The following PELI2 variants were observed in gnomAD, a reference collection of about 807,000 sequenced individuals.
The protein encoded by PELI2 is E3 ubiquitin-protein ligase pellino homolog 2.
Under a neutral mutation model 42.3 loss-of-function variants are expected in PELI2, and 23 were observed. The observed-to-expected ratio is 0.54, with a 90% CI of 0.39 to 0.77. PELI2 has a LOEUF of 0.77. Ranked by LOEUF, PELI2 falls within the 30% of genes least tolerant of loss-of-function variation. The pLI is 0.00. For synonymous variants in PELI2, 245 were observed against 212.2 expected (o/e 1.15, Z -1.34); for missense variants, 463 against 553.2 (o/e 0.84, Z 1.64).
chr14:56,195,930 C>T (rs1886117157), intron 2 of PELI2, among the ~76,000 whole-genome samples: 1 of 152,200 alleles, frequency 6.6e-6, no homozygotes, highest in Non-Finnish European at 1.5e-5. Context: ...ATGGCCTCTG[C>T]AAGTGTATTC....
intron 1 of PELI2, among the ~76,000 whole-genome samples, chr14:56,128,666 C>T (rs571375733): frequency 9.3e-4 from 141 of 151,930 alleles, no homozygotes; most frequent in Non-Finnish European, 1.8e-3. Flanking sequence ...TGGCTGGAGG[C>T]TGAAGTACTT....
rs569925685 is a variant in PELI2, at chr14:56,282,126, C to T, written c.309+2349C>T. On this transcript the variant is annotated intron_variant, in intron 3 of 5. Transcript: ENST00000267460. ...TACAGAGTTATTGCTCAAAGCATTGCTTAATAGGAAAAGATTGGAAACAAC... is the reference window on the plus strand; with the variant it reads ...TACAGAGTTATTGCTCAAAGCATTGTTTAATAGGAAAAGATTGGAAACAAC... Among the ~76,000 whole-genome samples the T allele has an allele frequency of 4.6e-5, 7 of 152,148 alleles. No individual in the cohort carries two copies. In the East Asian group the frequency reaches 1.2e-3, roughly 25 times the overall value.
chr14:56,229,382 C>T (rs1025431666), intron 2 of PELI2, among the ~76,000 whole-genome samples: 5 of 152,228 alleles, frequency 3.3e-5, no homozygotes, highest in Admixed American at 1.3e-4. Flanking sequence ...GGGTGCCCCT[C>T]TGAGACGAAG....
At chr14:56,122,726 T>G (rs1883107911) in intron 1 of PELI2, among the ~76,000 whole-genome samples, 1 of 152,208 alleles carries the variant, frequency 6.6e-6, no homozygotes, top group African/African-American at 2.4e-5. Flanking sequence ...AAAACATGTC[T>G]TGATTTTCAT....
intron 1 of PELI2, among the ~76,000 whole-genome samples, chr14:56,165,846 G>T (rs1381460694): frequency 6.6e-6 from 1 of 151,774 alleles, no homozygotes; most frequent in Non-Finnish European, 1.5e-5. Flanking sequence ...CTCTTTTTTG[G>T]TTTCCATTGG....
At chr14:56,129,636 C>T (rs538945320) in intron 1 of PELI2, among the ~76,000 whole-genome samples, 36 of 152,314 alleles carry the variant, frequency 2.4e-4, no homozygotes, top group African/African-American at 7.5e-4. Context: ...TGGGAGGATG[C>T]ACAGTGTGCC....
chr14:56,249,571 G>T (rs1888274352), intron 2 of PELI2, among the ~76,000 whole-genome samples: 1 of 152,140 alleles, frequency 6.6e-6, no homozygotes, highest in South Asian at 2.1e-4. Context: ...AGTATCTAAG[G>T]GACAAGAACT....
chr14:56,210,582 T>A (rs940043767), intron 2 of PELI2, among the ~76,000 whole-genome samples: 26 of 152,344 alleles, frequency 1.7e-4, no homozygotes, highest in African/African-American at 6.0e-4. Flanking sequence ...ATCCCATTAG[T>A]TCATATTTAA....
chr14:56,235,369 G>A (rs1238256520), intron 2 of PELI2, among the ~76,000 whole-genome samples: 2 of 152,228 alleles, frequency 1.3e-5, no homozygotes, highest in Non-Finnish European at 2.9e-5. Context: ...CTTTGAAAAT[G>A]CACATTGTAC....
chr14:56,182,668 A>G (rs1885629154), intron 2 of PELI2, among the ~76,000 whole-genome samples: 1 of 152,190 alleles, frequency 6.6e-6, no homozygotes, highest in African/African-American at 2.4e-5. Context: ...CATGAGGGCC[A>G]TTTAATGTCA....
chr14:56,268,684 T>C (rs1888993561), intron 2 of PELI2, among the ~76,000 whole-genome samples: 1 of 152,210 alleles, frequency 6.6e-6, no homozygotes, highest in Non-Finnish European at 1.5e-5. Context: ...CTCCATCTCT[T>C]ATCAGGTGAG....
At chr14:56,213,668 C>G (rs1423234172) in intron 2 of PELI2, among the ~76,000 whole-genome samples, 1 of 151,982 alleles carries the variant, frequency 6.6e-6, no homozygotes, top group African/African-American at 2.4e-5. Context: ...GGTTAATAAG[C>G]CAGTGGTAGG....
intron 2 of PELI2, among the ~76,000 whole-genome samples, chr14:56,213,001 G>T (rs1159952592): frequency 1.3e-5 from 2 of 152,236 alleles, no homozygotes; most frequent in African/African-American, 2.4e-5. Context: ...CCCTTTTCAG[G>T]AGCCCTGGCT....
chr14:56,281,857 A>G (rs1405054603), intron 3 of PELI2, among the ~76,000 whole-genome samples: 1 of 152,196 alleles, frequency 6.6e-6, no homozygotes, highest in Non-Finnish European at 1.5e-5. Context: ...AAAACCACAT[A>G]GAGATACCAC....
At position 56,289,379 on chromosome 14, in the gene PELI2, G is replaced by A. The variant is rs142425057; in HGVS notation, c.507+745G>A. The stretch of plus-strand genomic sequence containing the variant: ...TTCTTGTGGGTGAGAGCTGGCTCCT[G>A]CACTTCCAGATGTCCCCTGCCACAT... On this transcript the variant is annotated intron_variant, in intron 4 of 5. Transcript: ENST00000267460. Among the ~76,000 whole-genome samples the A allele has an allele frequency of 6.7e-3, 1,015 of 152,260 alleles. 8 individuals are homozygous for A. The highest frequency in any genetic ancestry group is 0.024 in the African/African-American group (977 of 41,542).
At chr14:56,271,976 G>A (rs752670517) in intron 2 of PELI2, among the ~76,000 whole-genome samples, 3 of 152,200 alleles carry the variant, frequency 2.0e-5, no homozygotes, top group Non-Finnish European at 4.4e-5. Flanking sequence ...ACCACGTTCA[G>A]ATATGTGGTG....
At chr14:56,230,584 A>G (rs1486346859) in intron 2 of PELI2, among the ~76,000 whole-genome samples, 3 of 152,230 alleles carry the variant, frequency 2.0e-5, no homozygotes, top group African/African-American at 7.2e-5. Flanking sequence ...CTGCCTTACA[A>G]GAGCTCCTGA....
intron 2 of PELI2, among the ~76,000 whole-genome samples, chr14:56,261,878 A>T (rs1272256588): frequency 6.6e-6 from 1 of 152,226 alleles, no homozygotes; most frequent in Non-Finnish European, 1.5e-5. Context: ...TTATACATGT[A>T]GATGGCTAAT....
At chr14:56,292,711 TA>T in intron 5 of PELI2, 2 of 906,092 alleles carry the variant, frequency 2.2e-6, no homozygotes, top group Non-Finnish European at 2.6e-6. Flanking sequence ...TGTTTTTCAT[TA>T]TTACAGCAAA....
Sources: gnomAD v4.1 joint callset for allele counts (sites outside exome capture counted in the v4.1 genomes callset) on GRCh38, gnomAD v4.1.1 for gene constraint, MANE v1.5 for transcripts, NCBI Gene and HGNC (gene_info 2026-07-23, HGNC 2026-07-21) for gene names.